The following PDE4D variants were observed in gnomAD, a reference collection of about 807,000 sequenced individuals.
PDE4D encodes 3',5'-cyclic-AMP phosphodiesterase 4D.
In PDE4D, 24 loss-of-function variants were observed where a neutral mutation model predicts 87.4. The ratio of observed to expected loss-of-function variants is 0.27; its 90% CI spans 0.20 to 0.39. The LOEUF (loss-of-function observed/expected upper bound fraction) is 0.39, where lower values mean the gene tolerates loss of function less well. Among genes scored for constraint, PDE4D ranks in the 10% least tolerant of loss-of-function variants. The pLI is 1.00. For missense variants in PDE4D, 714 were observed against 1,041.0 expected, an observed-to-expected ratio of 0.69 and a Z score of 4.32; for synonymous variants, 384 against 383.2, an observed-to-expected ratio of 1.00 and a Z score of -0.02.
intron 1 of PDE4D, among the ~76,000 whole-genome samples, chr5:59,679,815 G>A (rs1748709191): frequency 6.6e-6 from 1 of 152,020 alleles, no homozygotes; most frequent in Admixed American, 6.6e-5. Flanking sequence ...TAATGTACAT[G>A]TATGTAACTC....
chr5:59,713,773 T>C (rs888202111), intron 1 of PDE4D, among the ~76,000 whole-genome samples: 1 of 152,092 alleles, frequency 6.6e-6, no homozygotes, highest in Admixed American at 6.5e-5. Flanking sequence ...CAGCTGGAAG[T>C]GCAGAGCACC....
At chr5:59,187,343 C>T (rs1001437609) in intron 3 of PDE4D, among the ~76,000 whole-genome samples, 1 of 151,948 alleles carries the variant, frequency 6.6e-6, no homozygotes, top group East Asian at 1.9e-4. Flanking sequence ...TCACATGCTT[C>T]AGAATTTAAA....
chr5:59,719,860 C>T (rs1312444875), intron 1 of PDE4D, among the ~76,000 whole-genome samples: 10 of 152,174 alleles, frequency 6.6e-5, no homozygotes, highest in Admixed American at 6.5e-4. Flanking sequence ...TTTATTCATT[C>T]TCCTATTCCA....
chr5:59,406,675 A>T (rs1791720728), intron 1 of PDE4D, among the ~76,000 whole-genome samples: 1 of 152,142 alleles, frequency 6.6e-6, no homozygotes, highest in African/African-American at 2.4e-5. Flanking sequence ...GGTGTGAGCC[A>T]TTGTGCCCAG....
intron 1 of PDE4D, among the ~76,000 whole-genome samples, chr5:59,361,123 C>A (rs1782153894): frequency 1.3e-5 from 2 of 152,010 alleles, no homozygotes; most frequent in South Asian, 4.1e-4. Context: ...ACTAAACTAA[C>A]AAAGCTCCTT....
Position 59,139,032 on chromosome 5 carries a change from A to G in PDE4D, c.808+41563T>C, listed in dbSNP as rs78020586. ...GAAGGTAGGGAAGACTTACAGGGAG[A>G]CTGAACAATATACGCAAAAGTTACA... On this transcript the variant is annotated intron_variant, in intron 5 of 14. Coordinates refer to ENST00000340635, the MANE Select transcript of PDE4D (RefSeq NM_001104631.2). Among the ~76,000 whole-genome samples the G allele has an allele frequency of 3.0e-3, 464 of 152,242 alleles. 10 individuals carry two copies. The East Asian group carries it at 0.056, about 18-fold the overall frequency.
chr5:59,971,219 AG>A (rs1229406948), intron 3 of PDE4D, among the ~76,000 whole-genome samples: 3 of 55,768 alleles, frequency 5.4e-5, no homozygotes, highest in Non-Finnish European at 9.5e-5. Context: ...GGGTGGGGGG[AG>A]GGGGGAGGGA....
chr5:59,478,247 C>T (rs554898294), intron 1 of PDE4D, among the ~76,000 whole-genome samples: 1 of 152,104 alleles, frequency 6.6e-6, no homozygotes, highest in East Asian at 1.9e-4. Context: ...TTAATAATTA[C>T]CATCATATGG....
chr5:59,931,671 A>G (rs532106718), intron 3 of PDE4D, among the ~76,000 whole-genome samples: 5 of 148,032 alleles, frequency 3.4e-5, no homozygotes, highest in Admixed American at 6.7e-5. Context: ...TCACTTCTCT[A>G]TACTGACACT....
At chr5:59,831,341 A>C (rs994903119) in intron 1 of PDE4D, among the ~76,000 whole-genome samples, 1 of 151,592 alleles carries the variant, frequency 6.6e-6, no homozygotes, top group Non-Finnish European at 1.5e-5. Flanking sequence ...AAAAAAAAAA[A>C]AAAAAACCGG....
chr5:59,826,518 T>TA (rs397770094), intron 1 of PDE4D, among the ~76,000 whole-genome samples: 2 of 151,914 alleles, frequency 1.3e-5, no homozygotes, highest in African/African-American at 2.4e-5. Context: ...CTTTTTTTTT[T>TA]TATTATACTT....
At chr5:60,319,795 G>C (rs762753737) in intron 1 of PDE4D, among the ~76,000 whole-genome samples, 2 of 152,220 alleles carry the variant, frequency 1.3e-5, no homozygotes, top group Non-Finnish European at 2.9e-5. Context: ...CTGCAGAACA[G>C]TGGATATTGG....
chr5:59,110,612 C>T (rs1270380762), intron 5 of PDE4D, among the ~76,000 whole-genome samples: 1 of 152,150 alleles, frequency 6.6e-6, no homozygotes, highest in South Asian at 2.1e-4. Context: ...TGGCTCATGC[C>T]TGTAATCCCA....
At chr5:60,292,446 T>G (rs925523074) in intron 1 of PDE4D, among the ~76,000 whole-genome samples, 8 of 152,240 alleles carry the variant, frequency 5.3e-5, no homozygotes, top group African/African-American at 1.9e-4. Flanking sequence ...TGTACTTAGC[T>G]CTGCCAAGAA....
At chr5:59,405,558 T>C (rs758640199) in intron 1 of PDE4D, among the ~76,000 whole-genome samples, 1 of 152,176 alleles carries the variant, frequency 6.6e-6, no homozygotes, top group Admixed American at 6.5e-5. Flanking sequence ...AATTTGAATA[T>C]CCTTTCATTC....
intron 1 of PDE4D, among the ~76,000 whole-genome samples, chr5:59,300,920 G>T (rs1478277534): frequency 6.6e-6 from 1 of 152,062 alleles, no homozygotes; most frequent in Non-Finnish European, 1.5e-5. Context: ...CAGAACCCAG[G>T]GGAACACTTA....
At chr5:58,999,560 T>C in intron 6 of PDE4D, 2 of 1,177,212 alleles carry the variant, frequency 1.7e-6, no homozygotes, top group Non-Finnish European at 2.2e-6. Context: ...TATGTATATA[T>C]ATATATATGT....
intron 1 of PDE4D, among the ~76,000 whole-genome samples, chr5:60,199,378 G>A (rs1158111100): frequency 1.3e-5 from 2 of 151,642 alleles, no homozygotes; most frequent in African/African-American, 2.4e-5. Context: ...CCATTTGTGT[G>A]GCACCCATCT....
chr5:59,979,191 C>T (rs1761651978), intron 3 of PDE4D, among the ~76,000 whole-genome samples: 1 of 151,886 alleles, frequency 6.6e-6, no homozygotes, highest in Non-Finnish European at 1.5e-5. Context: ...GCCAAAATCA[C>T]ATGTTAACTG....
Sources: gnomAD v4.1 joint callset for allele counts (sites outside exome capture counted in the v4.1 genomes callset) on GRCh38, gnomAD v4.1.1 for gene constraint, MANE v1.5 for transcripts, NCBI Gene and HGNC (gene_info 2026-07-23, HGNC 2026-07-21) for gene names.